The following PPP1R12A variants were observed in gnomAD, a reference collection of about 807,000 sequenced individuals.
PPP1R12A encodes protein phosphatase 1 regulatory subunit 12A.
A neutral mutation model predicts 139.6 loss-of-function variants in PPP1R12A; 19 were observed. That is an observed-to-expected ratio of 0.14 (90% CI 0.09 to 0.20). PPP1R12A has a LOEUF of 0.20. PPP1R12A is among the 10% of genes least tolerant of loss of function. The pLI, the probability that PPP1R12A is intolerant of heterozygous loss-of-function variation, is 1.00. For synonymous variants in PPP1R12A, 427 were observed against 420.6 expected, an observed-to-expected ratio of 1.02 and a Z score of -0.19; for missense variants, 925 against 1,211.5, an observed-to-expected ratio of 0.76 and a Z score of 3.51.
intron 3 of PPP1R12A, among the ~76,000 whole-genome samples, chr12:79,840,426 T>G (rs533127328): frequency 6.6e-6 from 1 of 152,306 alleles, no homozygotes; most frequent in East Asian, 1.9e-4. Context: ...GATTTACTTT[T>G]CACATCTTTA....
rs774490960 is a variant in PPP1R12A at position 79,807,244 on chromosome 12, C to T, written c.1637G>A (p.Gly546Glu). Reference protein sequence around the residue: ...DLKKNSSVNEGSTYHKSCSFG... With the variant: ...DLKKNSSVNEESTYHKSCSFG... ...TTATTACCTTTTATGATACGTTGAT[C>T]CTTCATTAACTGAGCTATTTTTTTT... Residue 546 changes from glycine to glutamate, a missense_variant, in exon 12 of 25, where the codon GGA becomes GAA. Around this residue, in one of 4 missense-constraint regions of PPP1R12A, gnomAD observed 403 missense variants for 463.7 expected, o/e 0.87. Transcript: ENST00000450142. 8.5e-6 allele frequency: 13 copies of T among 1,535,576 alleles called. No homozygotes were observed. The South Asian group carries it at 1.6e-4, about 18-fold the overall frequency.
At position 79,773,628 on chromosome 12, in the gene PPP1R12A, T is replaced by C. The variant is rs1194456044; in HGVS notation, c.*2301A>G. 1 of 152,200 alleles carries C rather than the reference T, an allele frequency of 6.6e-6. No individual in the cohort carries two copies. Among genetic ancestry groups the C allele is most frequent in the Non-Finnish European group, 1.5e-5 (1 of 68,020 alleles). 9.4% of individuals were successfully genotyped at this position (152,200 alleles called of 1,614,324 possible). On this transcript the variant is annotated 3_prime_UTR_variant, in exon 25 of 25. Transcript: ENST00000450142. ...ACATTTGTCCAAATTGGTACACAGA[T>C]TGCATAAATATGGCAATTAAGATTG...
chr12:79,797,250 G>A lies in PPP1R12A; in HGVS notation c.2237C>T (p.Ser746Leu). 1 of 1,589,036 alleles carries A rather than the reference G, an allele frequency of 6.3e-7. No homozygotes were observed. Among genetic ancestry groups the A allele is most frequent in the Non-Finnish European group, 8.6e-7 (1 of 1,166,696 alleles). ...ATATTCATCTTCTCTAGATGTTTCT[G>A]ACTCCTTCTTTTCTTCTTGTTTCTC... Reference protein sequence around the residue: ...DKEKQEEKKESETSREDEYKQ... With the variant: ...DKEKQEEKKELETSREDEYKQ... The change falls in exon 16 of 25, where the codon TCA becomes TTA. Residue 746 changes from serine to leucine, a missense_variant. Physicochemically the swap from Ser to Leu is moderately radical, Grantham distance 145. Transcript: ENST00000450142.
intron 1 of PPP1R12A, among the ~76,000 whole-genome samples, chr12:79,916,138 AAACAAATGTACCTATAAAC>A (rs71441961): frequency 0.2 from 30,474 of 150,520 alleles, 5,742 homozygotes; most frequent in African/African-American, 0.49. Flanking sequence ...AGACCATTTT[AAACAAATGTACCTATAAAC>A]AACAAATGTA....
chr12:79,870,347 C>T (rs933210501), intron 2 of PPP1R12A, among the ~76,000 whole-genome samples: 3 of 152,082 alleles, frequency 2.0e-5, no homozygotes, highest in Non-Finnish European at 4.4e-5. Flanking sequence ...AACTCCTGAG[C>T]TCAAGCAAGG....
intron 1 of PPP1R12A, among the ~76,000 whole-genome samples, chr12:79,914,993 T>G (rs1397254570): frequency 6.6e-6 from 1 of 152,118 alleles, no homozygotes; most frequent in African/African-American, 2.4e-5. Flanking sequence ...ATAAATTATT[T>G]AGGCCGGTTC....
intron 1 of PPP1R12A, among the ~76,000 whole-genome samples, chr12:79,886,184 T>A (rs1884086400): frequency 6.6e-6 from 1 of 152,112 alleles, no homozygotes; most frequent in Non-Finnish European, 1.5e-5. Flanking sequence ...AAAACTGAAG[T>A]GGGACATTTC....
intron 23 of PPP1R12A, chr12:79,779,201 A>G: frequency 1.3e-6 from 1 of 785,974 alleles, no homozygotes; most frequent in Non-Finnish European, 1.9e-6. Context: ...GGCAAAGCCA[A>G]CACACAACAC....
chr12:79,861,664 G>A (rs2596785), intron 2 of PPP1R12A, among the ~76,000 whole-genome samples: 260 of 152,244 alleles, frequency 1.7e-3, no homozygotes, highest in African/African-American at 6.0e-3. Context: ...ATCCCCTCCC[G>A]TGCTTGGCTC....
chr12:79,786,569 C>A (rs1228713046), intron 21 of PPP1R12A, 91 bp from the exon 22 acceptor site: 3 of 775,460 alleles, frequency 3.9e-6, no homozygotes, highest in African/African-American at 3.6e-5. Flanking sequence ...ATTAAAACAG[C>A]TTAATGTAGC....
At chr12:79,785,864 C>T (rs1456207648) in intron 22 of PPP1R12A, among the ~76,000 whole-genome samples, 1 of 152,020 alleles carries the variant, frequency 6.6e-6, no homozygotes, top group African/African-American at 2.4e-5. Flanking sequence ...ATCATATGTA[C>T]AAGGTTGTGA....
chr12:79,908,858 C>A lies in PPP1R12A; in HGVS notation c.237+25837G>T, dbSNP rs76199765. 5.4e-3 allele frequency among the ~76,000 whole-genome samples: 823 copies of A among 152,254 alleles called. 5 individuals are homozygous for A. The highest frequency in any genetic ancestry group is 0.019 in the African/African-American group (782 of 41,538). ...CTTGTTATATACCACCCATGATTATCAACAGTGAGCCCTGGAGCAACAGAA... is the reference window on the plus strand; with the variant it reads ...CTTGTTATATACCACCCATGATTATAAACAGTGAGCCCTGGAGCAACAGAA... On this transcript the variant is annotated intron_variant, in intron 1 of 24. Coordinates refer to ENST00000450142, the MANE Select transcript of PPP1R12A (RefSeq NM_002480.3).
chr12:79,781,728 T>C, intron 23 of PPP1R12A, 87 bp downstream of exon 23: 1 of 740,670 alleles, frequency 1.4e-6, no homozygotes, highest in African/African-American at 1.8e-5. Flanking sequence ...CTGTCATCCA[T>C]AATAACAAAA....
chr12:79,903,235 A>C (rs534323429), intron 1 of PPP1R12A, among the ~76,000 whole-genome samples: 96 of 152,158 alleles, frequency 6.3e-4, no homozygotes, highest in African/African-American at 2.0e-3. Context: ...GGTGGATCAC[A>C]AAGTCAAGAG....
At chr12:79,872,592 G>A (rs2698261) in intron 2 of PPP1R12A, among the ~76,000 whole-genome samples, 31,499 of 151,950 alleles carry the variant, frequency 0.21, 5,899 homozygotes, top group African/African-American at 0.5. Flanking sequence ...ATGTTAATAC[G>A]AAGTACCAAA....
intron 1 of PPP1R12A, among the ~76,000 whole-genome samples, chr12:79,907,547 C>T (rs1886228495): frequency 1.3e-5 from 2 of 152,160 alleles, no homozygotes; most frequent in Non-Finnish European, 2.9e-5. Flanking sequence ...GATGAAAGTT[C>T]ACTCTACAAT....
chr12:79,820,664 A>G lies in PPP1R12A; in HGVS notation c.1114+110T>C, dbSNP rs2287374. 2,536 of 1,092,566 alleles carry G rather than the reference A, an allele frequency of 2.3e-3. 54 individuals carry two copies. In the East Asian group the frequency reaches 0.048, roughly 21 times the overall value. 67.7% of individuals were successfully genotyped at this position (1,092,566 alleles called of 1,614,324 possible). On this transcript the variant is annotated intron_variant, in intron 8 of 24. Transcript: ENST00000450142. ...AAGATAATTTAGTAGTGTGGCAGGT[A>G]TCTAAACAAGTAGCAAATCAGTCTG... is the stretch of plus-strand genomic sequence containing the variant.
At chr12:79,867,643 T>C (rs1882120573) in intron 2 of PPP1R12A, among the ~76,000 whole-genome samples, 1 of 152,098 alleles carries the variant, frequency 6.6e-6, no homozygotes, top group Admixed American at 6.6e-5. Flanking sequence ...CTATAAAAAT[T>C]GTACTGAGGT....
rs539174678 is a variant in PPP1R12A at position 79,837,609 on chromosome 12, G to A, written c.488-5118C>T. On this transcript the variant is annotated intron_variant, in intron 3 of 24. Transcript: ENST00000450142. ...GTAGTTCCCATAATCCCTACATGTG[G>A]TGGGAAGGACCCAGTGGGAGGTAAC... is the stretch of plus-strand genomic sequence containing the variant. Among the ~76,000 whole-genome samples the A allele has an allele frequency of 1.2e-4, 18 of 152,274 alleles. No individual in the cohort carries two copies. In the South Asian group the frequency reaches 3.7e-3, roughly 32 times the overall value.
Sources: allele counts gnomAD v4.1 joint callset (sites outside exome capture counted in the v4.1 genomes callset), GRCh38; gene constraint gnomAD v4.1.1; regional missense constraint gnomAD v4.1.1; transcripts MANE v1.5; gene names NCBI Gene and HGNC (gene_info 2026-07-23, HGNC 2026-07-21).